Variants in IQCJ observed in about 807,000 individuals in gnomAD.
IQCJ encodes IQ motif containing J, also known as IQ domain-containing protein J.
A neutral mutation model predicts 11.0 loss-of-function variants in IQCJ; 9 were observed. The observed-to-expected ratio is 0.82, with a 90% confidence interval of 0.49 to 1.43. The LOEUF (loss-of-function observed/expected upper bound fraction) is 1.43, where lower values mean the gene tolerates loss of function less well. Ranked by LOEUF, IQCJ falls within the 40% of genes most tolerant of loss-of-function variation. The pLI, the probability that IQCJ is intolerant of heterozygous loss-of-function variation, is 0.00. For synonymous variants in IQCJ, 55 were observed against 51.3 expected, an observed-to-expected ratio of 1.07 and a Z score of -0.31; for missense variants, 146 against 133.2, an observed-to-expected ratio of 1.10 and a Z score of -0.47.
At chr3:159,240,536 C>T (rs1214309803) in intron 1 of IQCJ, among the ~76,000 whole-genome samples, 2 of 151,982 alleles carry the variant, frequency 1.3e-5, no homozygotes, top group East Asian at 1.9e-4. Flanking sequence ...GCAAATATAC[C>T]CTACTACTAA....
At chr3:159,156,721 G>A (rs1290606739) in intron 1 of IQCJ, among the ~76,000 whole-genome samples, 1 of 152,138 alleles carries the variant, frequency 6.6e-6, no homozygotes, top group Admixed American at 6.5e-5. Context: ...AGCTCCAGGT[G>A]TTCCACTTTT....
At chr3:159,221,804 C>T (rs1482432943) in intron 1 of IQCJ, among the ~76,000 whole-genome samples, 1 of 142,856 alleles carries the variant, frequency 7.0e-6, no homozygotes, top group African/African-American at 2.6e-5. Flanking sequence ...AGGGAAGTGA[C>T]AGAACCAAGA....
intron 1 of IQCJ, among the ~76,000 whole-genome samples, chr3:159,193,142 C>T (rs1577071404): frequency 1.3e-5 from 2 of 152,168 alleles, no homozygotes; most frequent in African/African-American, 2.4e-5. Flanking sequence ...TAGGAGAGTA[C>T]TGACAGATAC....
At chr3:159,136,370 C>T (rs1335396653) in intron 1 of IQCJ, among the ~76,000 whole-genome samples, 2 of 152,164 alleles carry the variant, frequency 1.3e-5, no homozygotes, top group African/African-American at 2.4e-5. Context: ...CGATGTTCCT[C>T]AGGCCACATC....
chr3:159,217,175 T>G (rs1005500490), intron 1 of IQCJ, among the ~76,000 whole-genome samples: 4 of 152,114 alleles, frequency 2.6e-5, no homozygotes, highest in Non-Finnish European at 4.4e-5. Flanking sequence ...TAAGATTTAA[T>G]TGGTTTGGGA....
At chr3:159,215,266 T>G (rs1007869887) in intron 1 of IQCJ, among the ~76,000 whole-genome samples, 6 of 152,132 alleles carry the variant, frequency 3.9e-5, no homozygotes, top group Non-Finnish European at 8.8e-5. Context: ...CAAGTCCTGT[T>G]TTTCAGATTC....
intron 1 of IQCJ, among the ~76,000 whole-genome samples, chr3:159,181,460 T>C (rs1244523491): frequency 6.7e-6 from 1 of 149,066 alleles, no homozygotes; most frequent in Non-Finnish European, 1.5e-5. Context: ...CTTCTGAATC[T>C]ACCTCTTTAT....
chr3:159,230,592 C>T (rs1010334969), intron 1 of IQCJ, among the ~76,000 whole-genome samples: 9 of 152,154 alleles, frequency 5.9e-5, no homozygotes, highest in African/African-American at 2.2e-4. Context: ...TTCATACAAT[C>T]TCACACAGAA....
At chr3:159,174,853 T>C (rs1234794230) in intron 1 of IQCJ, among the ~76,000 whole-genome samples, 1 of 152,194 alleles carries the variant, frequency 6.6e-6, no homozygotes, top group Admixed American at 6.5e-5. Flanking sequence ...CATACATTCT[T>C]GTACATATCT....
At chr3:159,122,359 G>T (rs1035861297) in intron 1 of IQCJ, among the ~76,000 whole-genome samples, 1 of 152,162 alleles carries the variant, frequency 6.6e-6, no homozygotes, top group Non-Finnish European at 1.5e-5. Flanking sequence ...ACTCAACATT[G>T]CCACTTGGAG....
At chr3:159,086,180 T>TC (rs1387640500) in intron 1 of IQCJ, among the ~76,000 whole-genome samples, 1 of 152,200 alleles carries the variant, frequency 6.6e-6, no homozygotes, top group Non-Finnish European at 1.5e-5. Flanking sequence ...GGGAATCCTT[T>TC]CCCCATTGCT....
At chr3:159,165,950 G>C (rs906313194) in intron 1 of IQCJ, among the ~76,000 whole-genome samples, 3 of 151,454 alleles carry the variant, frequency 2.0e-5, no homozygotes, top group Admixed American at 6.6e-5. Flanking sequence ...TTTTTGTTTT[G>C]AAGTAAATAC....
chr3:159,091,673 T>TGCGC (rs1717315003), intron 1 of IQCJ, among the ~76,000 whole-genome samples: 165 of 11,020 alleles, frequency 0.015, 6 homozygotes, highest in African/African-American at 0.026. Flanking sequence ...CACACACGCA[T>TGCGC]GCACACACAC....
rs1190205375 is a variant in IQCJ at position 159,083,362 on chromosome 3, G to A, written c.9+13921G>A. 2.0e-5 allele frequency among the ~76,000 whole-genome samples: 3 copies of A among 152,144 alleles called. No homozygotes were observed. In the East Asian group the frequency reaches 5.8e-4, roughly 29 times the overall value. ...ATGGCAGATAAGCACATGAAAGGAT[G>A]TCCAACATCATTAGCCATTGGTGAA... On this transcript the variant is annotated intron_variant, in intron 1 of 3. Transcript: ENST00000397832.
chr3:159,134,562 C>T (rs183493410), intron 1 of IQCJ, among the ~76,000 whole-genome samples: 22 of 152,290 alleles, frequency 1.4e-4, no homozygotes, highest in African/African-American at 4.6e-4. Context: ...GAGTATACAT[C>T]ATTTATAGAA....
intron 1 of IQCJ, 24 bp downstream of exon 1, chr3:159,069,465 G>A (rs201679020): frequency 2.1e-5 from 33 of 1,606,192 alleles, no homozygotes; most frequent in Admixed American, 3.4e-5. Context: ...TTTTCTAAAC[G>A]TGCCACTTTG....
At chr3:159,129,459 G>A (rs1011961205) in intron 1 of IQCJ, among the ~76,000 whole-genome samples, 30 of 152,140 alleles carry the variant, frequency 2.0e-4, no homozygotes, top group Admixed American at 1.6e-3. Flanking sequence ...TGTGGCACAA[G>A]TTGACTAGAG....
chr3:159,183,838 C>T (rs1723234068), intron 1 of IQCJ, among the ~76,000 whole-genome samples: 1 of 152,106 alleles, frequency 6.6e-6, no homozygotes, highest in South Asian at 2.1e-4. Context: ...TCCATATCCA[C>T]TATCCCCTGC....
intron 1 of IQCJ, among the ~76,000 whole-genome samples, chr3:159,242,894 G>A (rs1727020630): frequency 6.6e-6 from 1 of 152,014 alleles, no homozygotes; most frequent in Admixed American, 6.6e-5. Context: ...AGAAATATTA[G>A]CAACACATAC....
Sources: gnomAD v4.1 joint callset for allele counts (sites outside exome capture counted in the v4.1 genomes callset) on GRCh38, gnomAD v4.1.1 for gene constraint, MANE v1.5 for transcripts, NCBI Gene and HGNC (gene_info 2026-07-23, HGNC 2026-07-21) for gene names.